ATXN1: variants seen among roughly 807,000 people sequenced by gnomAD.
ATXN1 encodes the protein ataxin 1.
A neutral mutation model predicts 56.4 loss-of-function variants in ATXN1; 8 were observed. The ratio of observed to expected loss-of-function variants is 0.14; its 90% CI spans 0.08 to 0.26. ATXN1 has a LOEUF of 0.26. Ranked by LOEUF, ATXN1 falls within the 10% of genes least tolerant of loss-of-function variation. ATXN1 has a pLI of 1.00. For synonymous variants in ATXN1, 514 were observed against 494.6 expected (o/e 1.04, Z -0.52); for missense variants, 987 against 1,106.5 (o/e 0.89, Z 1.53).
At chr6:16,373,854 C>T (rs1199736316) in intron 6 of ATXN1, among the ~76,000 whole-genome samples, 1 of 152,098 alleles carries the variant, frequency 6.6e-6, no homozygotes, top group Admixed American at 6.6e-5. Flanking sequence ...TTATTAGCAG[C>T]ATGAAAACAG....
intron 2 of ATXN1, among the ~76,000 whole-genome samples, chr6:16,680,353 GTTCC>G (rs901380890): frequency 2.6e-5 from 4 of 152,116 alleles, no homozygotes; most frequent in African/African-American, 9.7e-5. Flanking sequence ...ATGTCCTTCT[GTTCC>G]TTCCTTTTCT....
chr6:16,346,535 G>A (rs201028122), intron 6 of ATXN1, among the ~76,000 whole-genome samples: 5 of 152,198 alleles, frequency 3.3e-5, no homozygotes, highest in Non-Finnish European at 7.3e-5. Flanking sequence ...ATTAACACTT[G>A]ATAATATCGT....
At chr6:16,321,697 C>A (rs981474802) in intron 7 of ATXN1, among the ~76,000 whole-genome samples, 4 of 152,142 alleles carry the variant, frequency 2.6e-5, no homozygotes, top group Non-Finnish European at 5.9e-5. Context: ...GAATTCAGCC[C>A]CTTAAAAATC....
chr6:16,675,630 C>A (rs1465634164), intron 2 of ATXN1, among the ~76,000 whole-genome samples: 1 of 152,098 alleles, frequency 6.6e-6, no homozygotes, highest in African/African-American at 2.4e-5. Context: ...CCTGTAATCC[C>A]AGCACTTTGG....
At chr6:16,586,993 G>C (rs993974520) in intron 3 of ATXN1, among the ~76,000 whole-genome samples, 1 of 151,674 alleles carries the variant, frequency 6.6e-6, no homozygotes, top group Non-Finnish European at 1.5e-5. Context: ...ACTCCAGCCT[G>C]GTGACAAAGC....
At chr6:16,430,222 G>A (rs1467038661) in intron 6 of ATXN1, among the ~76,000 whole-genome samples, 1 of 151,946 alleles carries the variant, frequency 6.6e-6, no homozygotes, top group African/African-American at 2.4e-5. Context: ...GATGTCGCGA[G>A]TCCCTGAATC....
rs75570360 is a variant in ATXN1 at position 16,449,899 on chromosome 6, A to G, written c.-161+36073T>C. Reference sequence around the variant, plus strand: ...AGGCAATAAATTGGAAACTGAAGTTAAAGAAGATTGCAGCTGTCATCTCTA... The same window carrying G: ...AGGCAATAAATTGGAAACTGAAGTTGAAGAAGATTGCAGCTGTCATCTCTA... On this transcript the variant is annotated intron_variant, in intron 6 of 7. Transcript: ENST00000436367. Among the ~76,000 whole-genome samples, 1,237 of 152,398 alleles carry G rather than the reference A, an allele frequency of 8.1e-3. 14 individuals are homozygous for G. The highest frequency in any genetic ancestry group is 0.028 in the African/African-American group (1,171 of 41,596).
chr6:16,730,278 G>A (rs1407637443), intron 2 of ATXN1, among the ~76,000 whole-genome samples: 14 of 151,934 alleles, frequency 9.2e-5, no homozygotes, highest in East Asian at 3.9e-4. Flanking sequence ...GTGAGGCTCC[G>A]TCCCAAAATA....
At chr6:16,653,408 C>T (rs1371582894) in intron 3 of ATXN1, among the ~76,000 whole-genome samples, 2 of 152,218 alleles carry the variant, frequency 1.3e-5, no homozygotes, top group African/African-American at 4.8e-5. Context: ...GCAGCGGGAC[C>T]GCTCTTCTGC....
chr6:16,467,619 C>T (rs1165648461), intron 6 of ATXN1, among the ~76,000 whole-genome samples: 1 of 152,166 alleles, frequency 6.6e-6, no homozygotes, highest in Admixed American at 6.5e-5. Flanking sequence ...ACAATAAGTA[C>T]CTTTAATCAA....
rs142092358 is a variant in ATXN1, at chr6:16,345,980, T to C, written c.-160-17510A>G. 3.5e-3 allele frequency among the ~76,000 whole-genome samples: 530 copies of C among 152,310 alleles called. 3 individuals carry two copies. Among genetic ancestry groups the C allele is most frequent in the African/African-American group, 0.012 (488 of 41,560 alleles). ...AAAAAAAATTGACACTCCCTGGATG[T>C]AGGCAACACCCTCTGAATGAGGCAC... is the stretch of plus-strand genomic sequence containing the variant. On this transcript the variant is annotated intron_variant, in intron 6 of 7. Coordinates refer to ENST00000436367, the MANE Select transcript of ATXN1 (RefSeq NM_001128164.2).
At chr6:16,357,064 C>A (rs896772142) in intron 6 of ATXN1, among the ~76,000 whole-genome samples, 1 of 152,004 alleles carries the variant, frequency 6.6e-6, no homozygotes, top group African/African-American at 2.4e-5. Context: ...GGCCAAGAAA[C>A]CCAAATCTAT....
intron 4 of ATXN1, among the ~76,000 whole-genome samples, chr6:16,568,662 A>C (rs1041936140): frequency 8.8e-6 from 1 of 113,132 alleles, no homozygotes; most frequent in African/African-American, 2.5e-5. Context: ...AAACAACCAA[A>C]GTTTTTTTTT....
intron 4 of ATXN1, among the ~76,000 whole-genome samples, chr6:16,532,440 A>G (rs1761523473): frequency 6.6e-6 from 1 of 152,194 alleles, no homozygotes; most frequent in South Asian, 2.1e-4. Context: ...AGGCTGCCCC[A>G]TGGAACCCCA....
chr6:16,385,206 G>A (rs948009568), intron 6 of ATXN1, among the ~76,000 whole-genome samples: 2 of 152,182 alleles, frequency 1.3e-5, no homozygotes, highest in African/African-American at 2.4e-5. Flanking sequence ...GGAGGAAGGA[G>A]GTAACGAGTG....
chr6:16,313,389 AAAACC>A (rs540170162), intron 7 of ATXN1, among the ~76,000 whole-genome samples: 105 of 152,246 alleles, frequency 6.9e-4, no homozygotes, highest in African/African-American at 2.4e-3. Context: ...TCTGTCTCTA[AAAACC>A]AAACCAAACC....
At chr6:16,399,859 G>A (rs3819400) in intron 6 of ATXN1, among the ~76,000 whole-genome samples, 56,117 of 151,966 alleles carry the variant, frequency 0.37, 10,713 homozygotes, top group East Asian at 0.51. Context: ...TGCTCTAAAG[G>A]GAAGCAGAAA....
rs1491084276 is a variant in ATXN1 at position 16,327,635 on chromosome 6, GCT to G, written c.674_675del (p.Gln225ProfsTer85). On this transcript the variant is annotated frameshift_variant, in exon 7 of 8. Coordinates refer to ENST00000436367, the MANE Select transcript of ATXN1 (RefSeq NM_001128164.2). LOFTEE classifies it high-confidence loss of function. ...ATGAGCCCCGGAGCCCTGCTGAGGT[GCT>G]GCTGCTGCTGCTGCTGCTGCTGCTG... Reference protein sequence around the residue: ...QQQQQQQQQQQHLSRAPGLIT... With the variant: ...QQQQQQQQQQXHLSRAPGLIT... 4 of 1,089,234 alleles carry G rather than the reference GCT, an allele frequency of 3.7e-6. No individual in the cohort carries two copies. The highest frequency in any genetic ancestry group is 1.4e-4 in the East Asian group (2 of 14,682). 67.5% of individuals were successfully genotyped at this position (1,089,234 alleles called of 1,614,324 possible).
chr6:16,620,739 T>C (rs73728031), intron 3 of ATXN1, among the ~76,000 whole-genome samples: 11,775 of 152,220 alleles, frequency 0.077, 1,529 homozygotes, highest in African/African-American at 0.27. Flanking sequence ...CAGCTGGGTG[T>C]GCAAAGTGCC....
Sources: gnomAD v4.1 joint callset for allele counts (sites outside exome capture counted in the v4.1 genomes callset) on GRCh38, gnomAD v4.1.1 for gene constraint, MANE v1.5 for transcripts, NCBI Gene and HGNC (gene_info 2026-07-23, HGNC 2026-07-21) for gene names.